The following CAMSAP2 variants were observed in gnomAD, a reference collection of about 807,000 sequenced individuals.
The protein encoded by CAMSAP2 is calmodulin-regulated spectrin-associated protein 2.
In CAMSAP2, 26 loss-of-function variants were observed where a neutral mutation model predicts 146.1. The observed-to-expected ratio is 0.18, with a 90% confidence interval of 0.13 to 0.25. CAMSAP2 has a LOEUF of 0.25. Among genes scored for constraint, CAMSAP2 ranks in the 10% least tolerant of loss-of-function variants. The pLI is 1.00. For missense variants in CAMSAP2, 1,381 were observed against 1,759.3 expected (o/e 0.78, Z 3.85); for synonymous variants, 499 against 596.6 (o/e 0.84, Z 2.38).
intron 6 of CAMSAP2, among the ~76,000 whole-genome samples, chr1:200,841,247 A>G (rs1667315512): frequency 1.3e-5 from 2 of 152,110 alleles, no homozygotes; most frequent in African/African-American, 4.8e-5. Context: ...GAGCACATAC[A>G]TATAACTTTT....
In CAMSAP2 at chr1:200,849,183, C is replaced by T. The variant is rs780764806; in HGVS notation, c.2414C>T (p.Ala805Val). ...GDGISPLREE[A>V]AGAEDEKVYT... ...GGGATATCTCCTCTACGAGAGGAAG[C>T]GGCGGGTGCAGAAGATGAGAAAGTA... is the stretch of plus-strand genomic sequence containing the variant. Residue 805 changes from alanine (A) to valine (V), a missense_variant, in exon 11 of 17, where the codon GCG (alanine) becomes GTG (valine). By Grantham distance (64) the Ala-to-Val change is moderately conservative. Transcript: ENST00000358823. The surrounding 1 kb of genome is among the most constrained non-coding windows in gnomAD (Gnocchi z 6.3). 6.2e-6 allele frequency: 10 copies of T among 1,613,600 alleles called. No individual in the cohort carries two copies. The East Asian group carries it at 8.9e-5, about 14-fold the overall frequency.
At position 200,859,606 on chromosome 1, in the gene CAMSAP2, C is replaced by T. The variant is rs1053183739; in HGVS notation, c.*1547C>T. 1.3e-5 allele frequency: 2 copies of T among 152,206 alleles called. No homozygotes were observed. Among genetic ancestry groups the T allele is most frequent in the African/African-American group, 4.8e-5 (2 of 41,414 alleles). The allele number at this position is 152,206 out of a possible 1,614,324, so 9.4% of individuals were successfully genotyped here. A position where few individuals can be genotyped will look rare whatever the true frequency, so the allele number is the denominator to read the frequency against. ...TTGTTAAAACTGTAAAAAAATTTCACAGATTTTTTTCCAATACCTGTGCAA... is the reference window on the plus strand; with the variant it reads ...TTGTTAAAACTGTAAAAAAATTTCATAGATTTTTTTCCAATACCTGTGCAA... On this transcript the variant is annotated 3_prime_UTR_variant, in exon 17 of 17. Coordinates refer to ENST00000358823, the MANE Select transcript of CAMSAP2 (RefSeq NM_203459.4).
intron 4 of CAMSAP2, among the ~76,000 whole-genome samples, chr1:200,816,831 C>T (rs1237626855): frequency 4.0e-5 from 3 of 75,182 alleles, no homozygotes; most frequent in African/African-American, 6.2e-5. Flanking sequence ...CACACACACG[C>T]GTGTGTATGT....
At position 200,855,948 on chromosome 1, in the gene CAMSAP2, T is replaced by A. The variant is rs1558213059; in HGVS notation, c.3897-62T>A. The A allele has an allele frequency of 1.5e-5, 16 of 1,084,146 alleles. No individual in the cohort carries two copies. In the East Asian group the frequency reaches 3.8e-4, roughly 26 times the overall value. 67.2% of individuals were successfully genotyped at this position (1,084,146 alleles called of 1,614,324 possible). On this transcript the variant is annotated intron_variant, in intron 14 of 16. Transcript: ENST00000358823. Reference sequence around the variant, plus strand: ...TGATTTTGATTGTTACTTTCACGTATACCCTCTGGGCCCCATTTTTTCTCT... The same window carrying A: ...TGATTTTGATTGTTACTTTCACGTAAACCCTCTGGGCCCCATTTTTTCTCT...
chr1:200,799,916 T>A (rs982916557), intron 2 of CAMSAP2, among the ~76,000 whole-genome samples: 3 of 152,194 alleles, frequency 2.0e-5, no homozygotes, highest in Non-Finnish European at 4.4e-5. Context: ...TGCCTTAATT[T>A]TGTTATTTAC....
intron 1 of CAMSAP2, among the ~76,000 whole-genome samples, chr1:200,749,810 TG>T (rs1187913636): frequency 1.3e-5 from 2 of 152,086 alleles, no homozygotes; most frequent in East Asian, 1.9e-4. Context: ...TTTCTCTTTA[TG>T]GGGGGGAAAT....
chr1:200,822,661 C>T (rs1274560986), intron 4 of CAMSAP2, among the ~76,000 whole-genome samples: 1 of 152,080 alleles, frequency 6.6e-6, no homozygotes. Flanking sequence ...TACATTAGTC[C>T]TCTTTTATCC....
chr1:200,804,175 C>G (rs1571772964), intron 2 of CAMSAP2, among the ~76,000 whole-genome samples: 6 of 152,248 alleles, frequency 3.9e-5, no homozygotes, highest in African/African-American at 1.4e-4. Flanking sequence ...ATCTGCCCAC[C>G]TCGGCCTCCC....
intron 1 of CAMSAP2, among the ~76,000 whole-genome samples, chr1:200,752,704 A>G (rs1364379763): frequency 6.1e-5 from 9 of 148,206 alleles, no homozygotes; most frequent in Non-Finnish European, 1.2e-4. Context: ...TGCAAGCTCC[A>G]CCTCCCAGGT....
Position 200,848,869 on chromosome 1 carries a change from C to T in CAMSAP2, c.2100C>T (p.Thr700=), listed in dbSNP as rs139169028. The part of the protein sequence containing the change: ...AEQKFRKLNH[T]DGKSSGSSSQ... The stretch of plus-strand genomic sequence containing the variant: ...AAAAATTCAGGAAACTGAATCATAC[C>T]GATGGAAAAAGTAGTGGAAGCAGTT... Residue 700 remains threonine, a synonymous_variant, in exon 11 of 17, where the codon ACC becomes ACT. Coordinates refer to ENST00000358823, the MANE Select transcript of CAMSAP2 (RefSeq NM_203459.4). The T allele has an allele frequency of 7.6e-5, 123 of 1,613,934 alleles. No individual in the cohort carries two copies. Among genetic ancestry groups the T allele is most frequent in the Non-Finnish European group, 9.6e-5 (113 of 1,179,992 alleles).
intron 7 of CAMSAP2, among the ~76,000 whole-genome samples, chr1:200,844,164 C>T (rs549783008): frequency 2.0e-3 from 306 of 152,226 alleles, no homozygotes; most frequent in African/African-American, 6.7e-3. Flanking sequence ...AACCACCACA[C>T]CCAGCCACTT....
chr1:200,830,740 A>G (rs892225479), intron 4 of CAMSAP2, among the ~76,000 whole-genome samples: 2 of 152,202 alleles, frequency 1.3e-5, no homozygotes, highest in South Asian at 2.1e-4. Flanking sequence ...AAGAATCCAT[A>G]TAGTACCTGC....
At chr1:200,806,788 TC>T (rs1666188514) in intron 2 of CAMSAP2, among the ~76,000 whole-genome samples, 1 of 151,608 alleles carries the variant, frequency 6.6e-6, no homozygotes, top group African/African-American at 2.4e-5. Context: ...TATCTATCTA[TC>T]TATCTATCTA....
At chr1:200,821,656 T>G (rs1666769512) in intron 4 of CAMSAP2, among the ~76,000 whole-genome samples, 1 of 152,194 alleles carries the variant, frequency 6.6e-6, no homozygotes, top group Non-Finnish European at 1.5e-5. Context: ...CCACCACACG[T>G]GGCCATTTCT....
intron 2 of CAMSAP2, among the ~76,000 whole-genome samples, chr1:200,776,411 A>C (rs961674513): frequency 5.9e-5 from 9 of 152,240 alleles, no homozygotes; most frequent in Admixed American, 5.2e-4. Context: ...AACCAAGTGT[A>C]GTCATAAATG....
chr1:200,782,194 T>G (rs1665452145), intron 2 of CAMSAP2, among the ~76,000 whole-genome samples: 1 of 152,208 alleles, frequency 6.6e-6, no homozygotes, highest in Non-Finnish European at 1.5e-5. Context: ...ACATCTCATT[T>G]GATGCCGTGT....
chr1:200,826,408 G>A (rs142988811), intron 4 of CAMSAP2, among the ~76,000 whole-genome samples: 23 of 151,672 alleles, frequency 1.5e-4, no homozygotes, highest in African/African-American at 5.1e-4. Flanking sequence ...CTCTACCCTG[G>A]GTGACAGAGG....
intron 2 of CAMSAP2, among the ~76,000 whole-genome samples, chr1:200,800,551 A>G (rs1403466214): frequency 6.6e-6 from 1 of 151,574 alleles, no homozygotes; most frequent in Non-Finnish European, 1.5e-5. Context: ...TTTTTAGCCT[A>G]TGTGTGTCTT....
In CAMSAP2 at chr1:200,850,064, A is replaced by C. The variant is rs779066735; in HGVS notation, c.3295A>C (p.Lys1099Gln). ...QLNQPTEPPP[K>Q]PVFPPTAPKN... ...GAATCAACCCACAGAACCCCCTCCT[A>C]AACCCGTTTTCCCACCCACTGCTCC... Residue 1099 changes from lysine to glutamine, a missense_variant, in exon 11 of 17, where the codon AAA becomes CAA. By Grantham distance (53) the Lys-to-Gln change is moderately conservative. Transcript: ENST00000358823. The C allele has an allele frequency of 1.2e-6, 2 of 1,613,198 alleles. No individual in the cohort carries two copies. Among genetic ancestry groups the C allele is most frequent in the Admixed American group, 1.7e-5 (1 of 59,816 alleles).
Sources: gnomAD v4.1 joint callset for allele counts (sites outside exome capture counted in the v4.1 genomes callset) on GRCh38, gnomAD v4.1.1 for gene constraint, Gnocchi (gnomAD v3.1) non-coding constraint, MANE v1.5 for transcripts, NCBI Gene and HGNC (gene_info 2026-07-23, HGNC 2026-07-21) for gene names.